Variants in NEGR1 observed in about 807,000 individuals in gnomAD.
NEGR1 encodes neuronal growth regulator 1.
NEGR1 carries 10 observed loss-of-function variants against 40.9 expected under a neutral mutation model. That is an observed-to-expected ratio of 0.24 (90% CI 0.15 to 0.42). The LOEUF is 0.42. NEGR1 is among the 10% of genes least tolerant of loss of function. The pLI, the probability that NEGR1 is intolerant of heterozygous loss-of-function variation, is 1.00. For missense variants in NEGR1, 352 were observed against 438.9 expected, an observed-to-expected ratio of 0.80 and a Z score of 1.77; for synonymous variants, 185 against 166.8, an observed-to-expected ratio of 1.11 and a Z score of -0.84.
chr1:71,922,543 T>C (rs189482205), intron 2 of NEGR1, among the ~76,000 whole-genome samples: 3 of 152,342 alleles, frequency 2.0e-5, no homozygotes, highest in East Asian at 1.9e-4. Flanking sequence ...CCTTTTCACA[T>C]AGAATTTCTC....
intron 1 of NEGR1, among the ~76,000 whole-genome samples, chr1:72,240,076 C>T (rs1242899076): frequency 6.6e-6 from 1 of 151,856 alleles, no homozygotes; most frequent in African/African-American, 2.4e-5. Context: ...CTCATGGCAA[C>T]ATGAATTCTG....
At chr1:71,915,720 C>T (rs962453674) in intron 2 of NEGR1, among the ~76,000 whole-genome samples, 2 of 152,046 alleles carry the variant, frequency 1.3e-5, no homozygotes, top group African/African-American at 4.8e-5. Context: ...AATGTGTATG[C>T]CTGTGTAATA....
intron 2 of NEGR1, among the ~76,000 whole-genome samples, chr1:71,845,936 T>A (rs1449616498): frequency 1.3e-5 from 2 of 150,338 alleles, no homozygotes; most frequent in Non-Finnish European, 3.0e-5. Context: ...TTTTTTTTTT[T>A]TTTTTTTTAA....
intron 1 of NEGR1, among the ~76,000 whole-genome samples, chr1:72,054,936 G>T (rs2100483134): frequency 6.6e-6 from 1 of 151,214 alleles, no homozygotes; most frequent in Non-Finnish European, 1.5e-5. Context: ...TCAAAGGGAT[G>T]ATATTTCATG....
chr1:72,000,142 A>G (rs1469036743), intron 1 of NEGR1, among the ~76,000 whole-genome samples: 1 of 152,100 alleles, frequency 6.6e-6, no homozygotes, highest in East Asian at 1.9e-4. Context: ...TATCATAGTG[A>G]TGAATATTTC....
chr1:71,491,639 C>T (rs1284313926), intron 6 of NEGR1, among the ~76,000 whole-genome samples: 1 of 151,308 alleles, frequency 6.6e-6, no homozygotes, highest in Non-Finnish European at 1.5e-5. Flanking sequence ...ACTCTTCATG[C>T]TACTGTGAAT....
chr1:71,512,972 C>G (rs1488057264), intron 6 of NEGR1, among the ~76,000 whole-genome samples: 1 of 152,080 alleles, frequency 6.6e-6, no homozygotes, highest in Non-Finnish European at 1.5e-5. Context: ...TATCAAGAAA[C>G]TAACAGTTTT....
intron 1 of NEGR1, among the ~76,000 whole-genome samples, chr1:72,094,203 T>C (rs972894016): frequency 1.3e-5 from 2 of 152,096 alleles, no homozygotes. Context: ...GAATTCCTAA[T>C]TGCACAATTA....
chr1:71,911,568 T>C lies in NEGR1; in HGVS notation c.409+23511A>G, dbSNP rs116378252. ...AGCCCCATGAGAACAGGAGCTGTTTTGAGAGCACCAATACCAGAAAGAATA... is the reference window on the plus strand; with the variant it reads ...AGCCCCATGAGAACAGGAGCTGTTTCGAGAGCACCAATACCAGAAAGAATA... On this transcript the variant is annotated intron_variant, in intron 2 of 6. Transcript: ENST00000357731. 5.8e-3 allele frequency among the ~76,000 whole-genome samples: 878 copies of C among 152,324 alleles called. 7 individuals are homozygous for C. Among genetic ancestry groups the C allele is most frequent in the South Asian group, 0.012 (57 of 4,824 alleles).
At chr1:71,701,931 G>A (rs1653710496) in intron 3 of NEGR1, among the ~76,000 whole-genome samples, 1 of 152,006 alleles carries the variant, frequency 6.6e-6, no homozygotes, top group Admixed American at 6.6e-5. Flanking sequence ...ATCAAGTAAT[G>A]TAAGTCTGAG....
chr1:71,936,645 A>C (rs921292628), intron 1 of NEGR1, among the ~76,000 whole-genome samples: 1 of 152,234 alleles, frequency 6.6e-6, no homozygotes, highest in Non-Finnish European at 1.5e-5. Context: ...ACAAATAACC[A>C]TGAGATATAT....
chr1:72,117,945 T>C (rs1466917500), intron 1 of NEGR1, among the ~76,000 whole-genome samples: 3 of 151,766 alleles, frequency 2.0e-5, no homozygotes, highest in Non-Finnish European at 4.4e-5. Context: ...ACACTGCAGC[T>C]ACTCACTCTA....
intron 1 of NEGR1, among the ~76,000 whole-genome samples, chr1:72,252,205 C>T (rs1194871882): frequency 2.3e-5 from 3 of 132,498 alleles, no homozygotes; most frequent in Admixed American, 7.0e-5. Context: ...CCACCATGCT[C>T]GGCTAATTTT....
chr1:71,431,566 C>CATT (rs1646469803), intron 6 of NEGR1, among the ~76,000 whole-genome samples: 7 of 119,076 alleles, frequency 5.9e-5, no homozygotes, highest in Admixed American at 4.3e-4. Context: ...ATCTGTTTAT[C>CATT]CATTCATTCA....
intron 1 of NEGR1, among the ~76,000 whole-genome samples, chr1:72,166,796 G>A (rs1235428089): frequency 6.6e-6 from 1 of 151,964 alleles, no homozygotes; most frequent in Non-Finnish European, 1.5e-5. Flanking sequence ...TAGCTTGACT[G>A]CATTATTTTA....
chr1:71,481,840 G>C (rs1335432927), intron 6 of NEGR1, among the ~76,000 whole-genome samples: 2 of 151,620 alleles, frequency 1.3e-5, no homozygotes, highest in African/African-American at 4.8e-5. Context: ...ATGCTTTTTA[G>C]TCACTTTTTA....
chr1:72,103,869 C>A (rs977198869), intron 1 of NEGR1, among the ~76,000 whole-genome samples: 1 of 151,782 alleles, frequency 6.6e-6, no homozygotes, highest in Non-Finnish European at 1.5e-5. Context: ...GTCTCTGGAT[C>A]GAGTAGATTA....
At chr1:72,178,938 C>A (rs1652267579) in intron 1 of NEGR1, among the ~76,000 whole-genome samples, 1 of 151,776 alleles carries the variant, frequency 6.6e-6, no homozygotes, top group Non-Finnish European at 1.5e-5. Flanking sequence ...CTTATAGATT[C>A]TGGATATTAG....
At chr1:72,237,429 C>T (rs1202677797) in intron 1 of NEGR1, among the ~76,000 whole-genome samples, 3 of 151,896 alleles carry the variant, frequency 2.0e-5, no homozygotes, top group African/African-American at 7.2e-5. Flanking sequence ...CATAAAGGCA[C>T]CAACAGATTT....
Sources: allele counts gnomAD v4.1 joint callset (sites outside exome capture counted in the v4.1 genomes callset), GRCh38; gene constraint gnomAD v4.1.1; transcripts MANE v1.5; gene names NCBI Gene and HGNC (gene_info 2026-07-23, HGNC 2026-07-21).